Variants in MAGI2 observed in about 807,000 individuals in gnomAD.
MAGI2 encodes the protein membrane associated guanylate kinase, WW and PDZ domain containing 2.
In MAGI2, 35 loss-of-function variants were observed where a neutral mutation model predicts 133.3. The ratio of observed to expected loss-of-function variants is 0.26; its 90% CI spans 0.20 to 0.35. The LOEUF (loss-of-function observed/expected upper bound fraction) is 0.35. Ranked by LOEUF, MAGI2 falls within the 10% of genes least tolerant of loss-of-function variation. The probability of loss-of-function intolerance (pLI) is 1.00; values close to 1 mark genes in which losing one functional copy is unlikely to be tolerated. For synonymous variants in MAGI2, 729 were observed against 710.6 expected (o/e 1.03, Z -0.41); for missense variants, 1,636 against 1,863.4 (o/e 0.88, Z 2.25).
At chr7:79,210,148 A>G (rs1829385682) in intron 1 of MAGI2, among the ~76,000 whole-genome samples, 1 of 152,044 alleles carries the variant, frequency 6.6e-6, no homozygotes, top group Admixed American at 6.5e-5. Flanking sequence ...TCCTGTTGGC[A>G]TAGAATGTGT....
chr7:79,052,223 AC>A (rs1812739320), intron 1 of MAGI2, among the ~76,000 whole-genome samples: 1 of 152,154 alleles, frequency 6.6e-6, no homozygotes, highest in African/African-American at 2.4e-5. Flanking sequence ...AACAAGCAAC[AC>A]ACAGACACAA....
At chr7:78,617,418 T>C (rs985920289) in intron 3 of MAGI2, 2 of 152,114 alleles carry the variant, frequency 1.3e-5, no homozygotes, top group African/African-American at 4.8e-5. Flanking sequence ...ATGTGGACAA[T>C]TGATCCTGAT....
intron 6 of MAGI2, among the ~76,000 whole-genome samples, chr7:78,384,401 A>G (rs1402562093): frequency 6.6e-6 from 1 of 152,196 alleles, no homozygotes; most frequent in Non-Finnish European, 1.5e-5. Flanking sequence ...TTAATTCATT[A>G]CAATTTATAA....
intron 2 of MAGI2, among the ~76,000 whole-genome samples, chr7:78,652,385 G>A (rs1311044049): frequency 3.3e-5 from 5 of 152,042 alleles, no homozygotes; most frequent in African/African-American, 1.2e-4. Context: ...TACACTACAA[G>A]GCTACAGTAA....
chr7:79,267,248 C>T (rs1834537743), intron 1 of MAGI2, among the ~76,000 whole-genome samples: 1 of 152,190 alleles, frequency 6.6e-6, no homozygotes, highest in Non-Finnish European at 1.5e-5. Flanking sequence ...TCTCCTGCTG[C>T]AAATCTCTGC....
chr7:79,373,614 C>T (rs1156955907), intron 1 of MAGI2, among the ~76,000 whole-genome samples: 1 of 151,780 alleles, frequency 6.6e-6, no homozygotes, highest in East Asian at 1.9e-4. Context: ...TAAAAATATC[C>T]TAATTTTAAT....
intron 6 of MAGI2, among the ~76,000 whole-genome samples, chr7:78,404,906 TG>T (rs1797239130): frequency 6.6e-6 from 1 of 152,146 alleles, no homozygotes; most frequent in African/African-American, 2.4e-5. Flanking sequence ...GAGAAAATTT[TG>T]CAATCTACCC....
intron 9 of MAGI2, among the ~76,000 whole-genome samples, chr7:78,312,400 G>A (rs887189007): frequency 1.3e-5 from 2 of 151,962 alleles, no homozygotes; most frequent in South Asian, 2.1e-4. Flanking sequence ...TTTAGCTACC[G>A]CAAAAAGTAT....
At chr7:79,163,819 T>G (rs576594587) in intron 1 of MAGI2, among the ~76,000 whole-genome samples, 88 of 152,168 alleles carry the variant, frequency 5.8e-4, no homozygotes, top group African/African-American at 1.9e-3. Context: ...TATTAGCATT[T>G]TATATCTCTT....
chr7:78,298,355 T>TAA (rs2151065347), intron 9 of MAGI2, among the ~76,000 whole-genome samples: 2 of 152,272 alleles, frequency 1.3e-5, no homozygotes, highest in Non-Finnish European at 2.9e-5. Flanking sequence ...GAAATCTTAA[T>TAA]AAAGTATAGA....
At chr7:79,416,440 G>A (rs1211851989) in intron 1 of MAGI2, among the ~76,000 whole-genome samples, 2 of 151,902 alleles carry the variant, frequency 1.3e-5, no homozygotes, top group Admixed American at 6.6e-5. Flanking sequence ...AGATAATCAG[G>A]GAAATTTGAA....
intron 1 of MAGI2, among the ~76,000 whole-genome samples, chr7:79,011,880 C>T (rs867940006): frequency 2.3e-5 from 2 of 86,700 alleles, no homozygotes; most frequent in African/African-American, 8.1e-5. Context: ...TTCCTTCCTT[C>T]CTTTCTTCCT....
chr7:78,221,298 C>T (rs1259242069), intron 10 of MAGI2, among the ~76,000 whole-genome samples: 1 of 152,186 alleles, frequency 6.6e-6, no homozygotes, highest in Non-Finnish European at 1.5e-5. Context: ...TTCTCTTCCG[C>T]CTGTTGTCCA....
intron 2 of MAGI2, among the ~76,000 whole-genome samples, chr7:78,679,138 C>T (rs1815370099): frequency 6.6e-6 from 1 of 152,122 alleles, no homozygotes; most frequent in African/African-American, 2.4e-5. Context: ...TTCTACTTTT[C>T]AAATTCCAGC....
chr7:79,379,283 A>G (rs1315039143), intron 1 of MAGI2, among the ~76,000 whole-genome samples: 2 of 151,856 alleles, frequency 1.3e-5, no homozygotes, highest in African/African-American at 2.4e-5. Context: ...CCTAAAAAGG[A>G]TAAGAATTCA....
chr7:79,086,497 T>A (rs959499764), intron 1 of MAGI2, among the ~76,000 whole-genome samples: 5 of 151,964 alleles, frequency 3.3e-5, no homozygotes, highest in Non-Finnish European at 7.4e-5. Flanking sequence ...TTCAGCCATG[T>A]TTCCTGGATA....
intron 1 of MAGI2, among the ~76,000 whole-genome samples, chr7:79,334,917 T>C (rs1469342916): frequency 1.3e-5 from 2 of 152,162 alleles, no homozygotes; most frequent in African/African-American, 4.8e-5. Context: ...ACAATTTTCA[T>C]GGGCTACTTG....
intron 2 of MAGI2, among the ~76,000 whole-genome samples, chr7:78,825,284 G>T (rs1459152497): frequency 5.9e-5 from 9 of 152,062 alleles, no homozygotes; most frequent in African/African-American, 2.2e-4. Context: ...AAGAAAGAAG[G>T]TTAGAGGTCA....
At chr7:78,532,669 G>A (rs901615271) in intron 3 of MAGI2, among the ~76,000 whole-genome samples, 1 of 152,180 alleles carries the variant, frequency 6.6e-6, no homozygotes, top group African/African-American at 2.4e-5. Context: ...TAAAGCCTAC[G>A]TGTTAGAGTA....
Sources: allele counts gnomAD v4.1 joint callset (sites outside exome capture counted in the v4.1 genomes callset), GRCh38; gene constraint gnomAD v4.1.1; transcripts MANE v1.5; gene names NCBI Gene and HGNC (gene_info 2026-07-23, HGNC 2026-07-21).